Variants in RESP18 observed in about 807,000 individuals in gnomAD.
RESP18 encodes the protein regulated endocrine specific protein 18.
A neutral mutation model predicts 30.0 loss-of-function variants in RESP18; 30 were observed. That is an observed-to-expected ratio of 1.00 (90% confidence interval 0.75 to 1.36). The LOEUF is 1.36. Among genes scored for constraint, RESP18 ranks in the 40% most tolerant of loss-of-function variants. The pLI is 0.00. For missense variants in RESP18, 320 were observed against 284.2 expected (o/e 1.13, Z -0.91); for synonymous variants, 117 against 111.2 (o/e 1.05, Z -0.33).
Position 219,332,508 on chromosome 2 carries a change from C to A in RESP18, c.232+16G>T. The A allele has an allele frequency of 6.5e-7, 1 of 1,546,740 alleles. No homozygotes were observed. The highest frequency in any genetic ancestry group is 1.2e-5 in the South Asian group (1 of 83,786). ...CTTTCTTGGCCCTGCCCGCACCCCC[C>A]AGGGTTCCTCCTGACCGTGGGCACT... On this transcript the variant is annotated intron_variant, in intron 2 of 6. Transcript: ENST00000333527.
chr2:219,329,051 G>GA, intron 5 of RESP18, 43 bp from the exon 5 acceptor site: 2 of 1,506,850 alleles, frequency 1.3e-6, no homozygotes, highest in East Asian at 4.9e-5. Flanking sequence ...ATTAGGAATG[G>GA]AAAAATCTTT....
At chr2:219,329,067 A>T in intron 5 of RESP18, 59 bp from the exon 5 acceptor site, 1 of 1,485,916 alleles carries the variant, frequency 6.7e-7, no homozygotes, top group South Asian at 1.2e-5. Context: ...TCTTTTCTGC[A>T]GCGATCTGCC....
At chr2:219,331,454 C>A (rs1334844777) in intron 2 of RESP18, among the ~76,000 whole-genome samples, 1 of 152,076 alleles carries the variant, frequency 6.6e-6, no homozygotes, top group Non-Finnish European at 1.5e-5. Context: ...CTGTTTTTTG[C>A]TATAGTGTAG....
At chr2:219,330,059 A>G (rs901099568) in intron 3 of RESP18, among the ~76,000 whole-genome samples, 5 of 152,204 alleles carry the variant, frequency 3.3e-5, no homozygotes, top group African/African-American at 1.2e-4. Context: ...TAGCATGTGC[A>G]TCAGAATCTC....
chr2:219,328,872 T>C, intron 6 of RESP18, 52 bp downstream of exon 5: 1 of 1,228,282 alleles, frequency 8.1e-7, no homozygotes, highest in Non-Finnish European at 1.2e-6. Flanking sequence ...AAAAGGACGT[T>C]TAATTTTGAA....
Position 219,333,113 on chromosome 2 carries a change from AT to A in RESP18, c.17+47del, listed in dbSNP as rs1952852355. The A allele has an allele frequency of 9.6e-6, 12 of 1,245,528 alleles. No homozygotes were observed. The Admixed American group carries it at 2.0e-4, about 21-fold the overall frequency. 77.2% of individuals were successfully genotyped at this position (1,245,528 alleles called of 1,614,324 possible). A position where few individuals can be genotyped will look rare whatever the true frequency, so the allele number is the denominator to read the frequency against. ...GGTTCGATCTGCTATATATATATAT[AT>A]AATATTATATATTATATATTATATA... On this transcript the variant is annotated intron_variant, in intron 1 of 6. Transcript: ENST00000333527.
At chr2:219,331,732 G>A (rs903392540) in intron 2 of RESP18, among the ~76,000 whole-genome samples, 5 of 152,162 alleles carry the variant, frequency 3.3e-5, no homozygotes, top group Non-Finnish European at 7.4e-5. Context: ...GCGTGGACCC[G>A]GAGCGCGCCT....
In RESP18 at chr2:219,330,817, T is replaced by G; in HGVS notation, c.291A>C (p.Pro97=). 6.4e-7 allele frequency: 1 copy of G among 1,551,496 alleles called. No homozygotes were observed. Among genetic ancestry groups the G allele is most frequent in the Non-Finnish European group, 8.7e-7 (1 of 1,146,890 alleles). Residue 97 remains proline, a synonymous_variant, in exon 3 of 7, where the codon CCA becomes CCC. Coordinates refer to ENST00000333527, the MANE Select transcript of RESP18 (RefSeq NM_001007089.4). ...GCACAACCTGTAAATGCTGGAAGACTGGGGTGGCAAATCCTTGGAGGGGCC... is the reference window on the plus strand; with the variant it reads ...GCACAACCTGTAAATGCTGGAAGACGGGGGTGGCAAATCCTTGGAGGGGCC...
chr2:219,329,017 T>G lies in RESP18; in HGVS notation c.556-9A>C, dbSNP rs1248319497. On this transcript the variant is annotated splice_polypyrimidine_tract_variant and intron_variant, in intron 5 of 6. Coordinates refer to ENST00000333527, the MANE Select transcript of RESP18 (RefSeq NM_001007089.4). Reference sequence around the variant, plus strand: ...GAACACCTATAGGTAATCTGAGAGATACAGGAAATTAGAAGTACCTTTGAT... The same window carrying G: ...GAACACCTATAGGTAATCTGAGAGAGACAGGAAATTAGAAGTACCTTTGAT... 3.9e-6 allele frequency: 6 copies of G among 1,544,016 alleles called. No individual in the cohort carries two copies. The highest frequency in any genetic ancestry group is 4.4e-6 in the Non-Finnish European group (5 of 1,140,092).
At chr2:219,327,594 T>G in intron 6 of RESP18, 31 bp from the exon 6 acceptor site, 1 of 1,545,152 alleles carries the variant, frequency 6.5e-7, no homozygotes, top group Non-Finnish European at 8.8e-7. Context: ...GGAGCTAGAG[T>G]CAGGATGTGA....
intron 2 of RESP18, 40 bp downstream of exon 1, chr2:219,332,484 T>C (rs988840627): frequency 3.4e-6 from 5 of 1,488,468 alleles, no homozygotes; most frequent in Non-Finnish European, 4.6e-6. Flanking sequence ...TCAGGATCGC[T>C]TTCTTGGCCC....
intron 4 of RESP18, 142 bp downstream of exon 3, chr2:219,329,495 C>A (rs1309937207): frequency 6.5e-7 from 1 of 1,544,372 alleles, no homozygotes; most frequent in Non-Finnish European, 8.7e-7. Context: ...TCATGAAATT[C>A]TTCTCTGCTG....
intron 3 of RESP18, among the ~76,000 whole-genome samples, 186 bp from the exon 3 acceptor site, chr2:219,329,950 A>C (rs1251092893): frequency 1.3e-5 from 2 of 152,356 alleles, no homozygotes; most frequent in East Asian, 3.9e-4. Context: ...TTATGATTAC[A>C]GTCTCTTTGC....
At chr2:219,332,881 C>T (rs1488533825) in intron 1 of RESP18, 137 bp from the exon 1 acceptor site, 1 of 730,016 alleles carries the variant, frequency 1.4e-6, no homozygotes, top group Non-Finnish European at 2.2e-6. Context: ...TAGCTGGGTC[C>T]CAAGAACCAC....
At chr2:219,329,089 G>T (rs1426811802) in intron 5 of RESP18, 74 bp downstream of exon 4, 1 of 1,469,822 alleles carries the variant, frequency 6.8e-7, no homozygotes, top group Non-Finnish European at 9.3e-7. Flanking sequence ...TCACCTCAAT[G>T]CCCATTCCCT....
At position 219,327,475 on chromosome 2, in the gene RESP18, G is replaced by A; in HGVS notation, c.*42C>T. The A allele has an allele frequency of 6.5e-7, 1 of 1,536,228 alleles. No individual in the cohort carries two copies. Among genetic ancestry groups the A allele is most frequent in the Non-Finnish European group, 8.8e-7 (1 of 1,133,026 alleles). Reference sequence around the variant, plus strand: ...AAGAACTGCTCCTCTGAAGGGCAATGGGAAGGGTGCTGGGGCAGGGAGGCT... The same window carrying A: ...AAGAACTGCTCCTCTGAAGGGCAATAGGAAGGGTGCTGGGGCAGGGAGGCT... On this transcript the variant is annotated 3_prime_UTR_variant, in exon 7 of 7. Transcript: ENST00000333527.
rs768070245 is a variant in RESP18 at position 219,332,552 on chromosome 2, C to G, written c.204G>C (p.Pro68=). ...GGGCACTAGTGTCGCTGCAGCCCCC[C>G]GGGCAGCTGTTCAGCAGCAGGAAGC... The change falls in exon 2 of 7, where the codon CCG becomes CCC. Residue 68 remains proline, a synonymous_variant. Transcript: ENST00000333527. The G allele has an allele frequency of 6.4e-7, 1 of 1,551,298 alleles. No homozygotes were observed. Among genetic ancestry groups the G allele is most frequent in the East Asian group, 2.4e-5 (1 of 40,916 alleles).
intron 1 of RESP18, 141 bp from the exon 1 acceptor site, chr2:219,332,885 G>A: frequency 2.7e-6 from 2 of 736,862 alleles, no homozygotes; most frequent in Non-Finnish European, 4.4e-6. Context: ...TGGGTCCCAA[G>A]AACCACCGCC....
Position 219,330,816 on chromosome 2 carries a change from CTG to C in RESP18, c.290_291del (p.Pro97ArgfsTer22). The C allele has an allele frequency of 1.3e-6, 2 of 1,551,476 alleles. No homozygotes were observed. The highest frequency in any genetic ancestry group is 1.2e-5 in the South Asian group (1 of 84,044). On this transcript the variant is annotated frameshift_variant, in exon 3 of 7. Transcript: ENST00000333527. LOFTEE classifies it high-confidence loss of function. ...AGCACAACCTGTAAATGCTGGAAGA[CTG>C]GGGTGGCAAATCCTTGGAGGGGCCA... is the stretch of plus-strand genomic sequence containing the variant.
Sources: allele counts gnomAD v4.1 joint callset (sites outside exome capture counted in the v4.1 genomes callset), GRCh38; gene constraint gnomAD v4.1.1; transcripts MANE v1.5; gene names NCBI Gene and HGNC (gene_info 2026-07-23, HGNC 2026-07-21).